Variants in RANBP3L observed in about 807,000 individuals in gnomAD.
RANBP3L encodes the protein ran-binding protein 3-like.
RANBP3L carries 56 observed loss-of-function variants against 67.2 expected under a neutral mutation model. The observed-to-expected ratio is 0.83, with a 90% CI of 0.67 to 1.04. RANBP3L has a LOEUF of 1.04. Among genes scored for constraint, RANBP3L ranks in the 50% least tolerant of loss-of-function variants. The pLI is 0.00. For missense variants in RANBP3L, 496 were observed against 535.5 expected, an observed-to-expected ratio of 0.93 and a Z score of 0.73; for synonymous variants, 164 against 181.4, an observed-to-expected ratio of 0.90 and a Z score of 0.77.
chr5:36,265,538 T>A lies in RANBP3L; in HGVS notation c.269-18A>T, dbSNP rs200311231. Reference sequence around the variant, plus strand: ...TTTCCTCACTGTAAGAAAAAATATTTAAATTTTTTTAAATACAGAAGAGTG... The same window carrying A: ...TTTCCTCACTGTAAGAAAAAATATTAAAATTTTTTTAAATACAGAAGAGTG... On this transcript the variant is annotated intron_variant, in intron 4 of 13. Transcript: ENST00000296604. 1.5e-3 allele frequency: 2,143 copies of A among 1,410,252 alleles called. 4 individuals are homozygous for A. The highest frequency in any genetic ancestry group is 1.9e-3 in the Non-Finnish European group (1,925 of 1,003,122). 87.4% of individuals were successfully genotyped at this position (1,410,252 alleles called of 1,614,324 possible).
chr5:36,294,658 C>T (rs1262702408), intron 1 of RANBP3L, among the ~76,000 whole-genome samples: 1 of 151,256 alleles, frequency 6.6e-6, no homozygotes, highest in Non-Finnish European at 1.5e-5. Flanking sequence ...TTTCATTTAA[C>T]TTAATGTCCT....
chr5:36,298,158 G>A (rs1752361664), intron 1 of RANBP3L, among the ~76,000 whole-genome samples: 1 of 151,932 alleles, frequency 6.6e-6, no homozygotes, highest in Admixed American at 6.6e-5. Context: ...AAATTAGCCA[G>A]GCATGGTGGA....
At chr5:36,299,902 A>G (rs770115275) in intron 1 of RANBP3L, among the ~76,000 whole-genome samples, 104 of 152,202 alleles carry the variant, frequency 6.8e-4, no homozygotes, top group Non-Finnish European at 1.3e-3. Flanking sequence ...GAACAAGTCT[A>G]TATTGTTTAA....
intron 13 of RANBP3L, among the ~76,000 whole-genome samples, chr5:36,250,134 A>G (rs932855356): frequency 2.0e-5 from 3 of 152,028 alleles, no homozygotes; most frequent in Non-Finnish European, 4.4e-5. Context: ...ATGTGTCATT[A>G]GTTAGTGAGA....
At chr5:36,272,233 G>T (rs1750268952) in intron 1 of RANBP3L, among the ~76,000 whole-genome samples, 1 of 151,980 alleles carries the variant, frequency 6.6e-6, no homozygotes, top group Admixed American at 6.6e-5. Context: ...AAACAAAAAA[G>T]CCTTAAAGAA....
At chr5:36,254,980 A>T (rs1458725392) in intron 11 of RANBP3L, among the ~76,000 whole-genome samples, 1 of 151,776 alleles carries the variant, frequency 6.6e-6, no homozygotes, top group Non-Finnish European at 1.5e-5. Context: ...CTTCATCCCG[A>T]CCCCCATCCC....
intron 1 of RANBP3L, among the ~76,000 whole-genome samples, chr5:36,288,145 T>A (rs1037791515): frequency 6.6e-6 from 1 of 152,176 alleles, no homozygotes; most frequent in African/African-American, 2.4e-5. Context: ...CCCCAGTGTG[T>A]TCCTTGTGTC....
intron 1 of RANBP3L, among the ~76,000 whole-genome samples, chr5:36,296,587 A>G (rs1752233428): frequency 6.6e-6 from 1 of 152,196 alleles, no homozygotes; most frequent in Non-Finnish European, 1.5e-5. Context: ...ATAACTGTGT[A>G]ACCTTGGAAG....
chr5:36,299,866 C>T (rs1175331045), intron 1 of RANBP3L, among the ~76,000 whole-genome samples: 1 of 152,086 alleles, frequency 6.6e-6, no homozygotes, highest in Non-Finnish European at 1.5e-5. Flanking sequence ...AAGCAGTTTA[C>T]AAAACACTGT....
chr5:36,253,103 G>A lies in RANBP3L; in HGVS notation c.1167+544C>T, dbSNP rs149868919. On this transcript the variant is annotated intron_variant, in intron 12 of 13. Transcript: ENST00000296604. ...TCTTGGGTCTGGATCTTGTATTTGA[G>A]GTCAAGTATTCCTCTGCCAGGAACA... 1.9e-3 allele frequency among the ~76,000 whole-genome samples: 294 copies of A among 151,988 alleles called. 2 individuals carry two copies. The highest frequency in any genetic ancestry group is 6.7e-3 in the African/African-American group (276 of 41,488).
At chr5:36,276,531 T>A (rs777982307) in intron 1 of RANBP3L, among the ~76,000 whole-genome samples, 1 of 152,224 alleles carries the variant, frequency 6.6e-6, no homozygotes, top group Non-Finnish European at 1.5e-5. Flanking sequence ...ATATATTTAA[T>A]TGCTTTGTCC....
intron 8 of RANBP3L, among the ~76,000 whole-genome samples, chr5:36,260,194 A>AT (rs1197354070): frequency 8.9e-6 from 1 of 112,246 alleles, no homozygotes; most frequent in East Asian, 2.2e-4. Flanking sequence ...TCTACTAAAA[A>AT]TACAAAAAAA....
chr5:36,256,835 A>G (rs758250763), intron 10 of RANBP3L, 106 bp downstream of exon 10: 8 of 1,055,902 alleles, frequency 7.6e-6, no homozygotes, highest in Non-Finnish European at 1.1e-5. Flanking sequence ...CTTAGTCTCC[A>G]TGAAAACTAT....
chr5:36,301,348 C>T lies in RANBP3L; in HGVS notation c.69G>A (p.Leu23=), dbSNP rs763658994. Residue 23 remains leucine (L), a synonymous_variant, in exon 1 of 14, where the codon CTG becomes CTA. Coordinates refer to ENST00000296604, the MANE Select transcript of RANBP3L (RefSeq NM_145000.5). ...PGSLHTCKLK[L]QEDRRQQEKS... is the part of the protein sequence containing the mutation. ...CACCTTGCTGTCGCCGGTCCTCCTG[C>T]AGCTTCAGTTTACAGGTGTGCAAAC... is the stretch of plus-strand genomic sequence containing the variant. 1 of 1,613,636 alleles carries T rather than the reference C, an allele frequency of 6.2e-7. No homozygotes were observed. The highest frequency in any genetic ancestry group is 1.7e-5 in the Admixed American group (1 of 59,998).
At chr5:36,292,566 T>A (rs565947204) in intron 1 of RANBP3L, among the ~76,000 whole-genome samples, 2 of 152,304 alleles carry the variant, frequency 1.3e-5, no homozygotes, top group African/African-American at 4.8e-5. Context: ...CCATCTTGAA[T>A]TGATTTTTGT....
chr5:36,271,542 T>A (rs1225601484), intron 1 of RANBP3L, among the ~76,000 whole-genome samples: 1 of 152,162 alleles, frequency 6.6e-6, no homozygotes, highest in Non-Finnish European at 1.5e-5. Context: ...CATAAATAGA[T>A]AATCCCATTA....
chr5:36,259,729 A>C (rs994337776), intron 8 of RANBP3L, among the ~76,000 whole-genome samples: 2 of 152,102 alleles, frequency 1.3e-5, no homozygotes, highest in Non-Finnish European at 2.9e-5. Context: ...GGCACGTTCG[A>C]GCTATCTCAG....
intron 13 of RANBP3L, 29 bp from the exon 14 acceptor site, chr5:36,249,726 A>T: frequency 1.6e-6 from 2 of 1,263,642 alleles, no homozygotes; most frequent in Non-Finnish European, 2.2e-6. Flanking sequence ...ATGTTTTATT[A>T]TACAATATTA....
chr5:36,285,813 C>T (rs1751283693), intron 1 of RANBP3L, among the ~76,000 whole-genome samples: 1 of 152,142 alleles, frequency 6.6e-6, no homozygotes, highest in Admixed American at 6.6e-5. Context: ...GCATCATCAA[C>T]ATCAGAAATG....
Sources: gnomAD v4.1 joint callset for allele counts (sites outside exome capture counted in the v4.1 genomes callset) on GRCh38, gnomAD v4.1.1 for gene constraint, MANE v1.5 for transcripts, NCBI Gene and HGNC (gene_info 2026-07-23, HGNC 2026-07-21) for gene names.